The following AUTS2 variants were observed in gnomAD, a reference collection of about 807,000 sequenced individuals.
AUTS2 encodes the protein activator of transcription and developmental regulator AUTS2.
A neutral mutation model predicts 112.4 loss-of-function variants in AUTS2; 17 were observed. That is an observed-to-expected ratio of 0.15 (90% CI 0.10 to 0.23). AUTS2 has a LOEUF of 0.23. AUTS2 is among the 10% of genes least tolerant of loss of function. The pLI, the probability that AUTS2 is intolerant of heterozygous loss-of-function variation, is 1.00. For synonymous variants in AUTS2, 751 were observed against 702.7 expected (o/e 1.07, Z -1.09); for missense variants, 1,510 against 1,701.6 (o/e 0.89, Z 1.98).
chr7:70,312,340 C>G (rs954242156), intron 4 of AUTS2, among the ~76,000 whole-genome samples: 1 of 151,910 alleles, frequency 6.6e-6, no homozygotes, highest in Admixed American at 6.6e-5. Context: ...AGCCTCCCCC[C>G]AAATAAAAAA....
At chr7:70,317,974 G>A (rs1178981626) in intron 4 of AUTS2, among the ~76,000 whole-genome samples, 1 of 152,106 alleles carries the variant, frequency 6.6e-6, no homozygotes, top group Non-Finnish European at 1.5e-5. Flanking sequence ...AAAATGTAAT[G>A]GTCATGACTT....
At chr7:70,204,500 G>T (rs1810469931) in intron 4 of AUTS2, among the ~76,000 whole-genome samples, 1 of 152,134 alleles carries the variant, frequency 6.6e-6, no homozygotes, top group Admixed American at 6.5e-5. Context: ...GGGGTGGGGA[G>T]AATGGGAGAT....
intron 5 of AUTS2, among the ~76,000 whole-genome samples, chr7:70,534,678 G>A (rs530665057): frequency 4.6e-5 from 7 of 152,140 alleles, no homozygotes; most frequent in South Asian, 2.1e-4. Context: ...CGCCCACCTC[G>A]GCCTCCCAAA....
At chr7:70,465,038 A>G (rs1797118846) in intron 5 of AUTS2, among the ~76,000 whole-genome samples, 1 of 152,120 alleles carries the variant, frequency 6.6e-6, no homozygotes, top group South Asian at 2.1e-4. Context: ...AGGGAGAGAG[A>G]AGAGAAAATC....
chr7:69,781,677 T>A (rs1361771529), intron 1 of AUTS2, among the ~76,000 whole-genome samples: 1 of 152,224 alleles, frequency 6.6e-6, no homozygotes, highest in African/African-American at 2.4e-5. Flanking sequence ...TTCTCCACAT[T>A]ACTTGTAATC....
intron 5 of AUTS2, among the ~76,000 whole-genome samples, chr7:70,514,004 T>C (rs1404525214): frequency 2.0e-5 from 3 of 152,216 alleles, no homozygotes; most frequent in Non-Finnish European, 2.9e-5. Flanking sequence ...GAGCACTGTA[T>C]AGATTTGTTT....
intron 1 of AUTS2, among the ~76,000 whole-genome samples, chr7:69,738,248 C>G (rs1787119252): frequency 6.6e-6 from 1 of 151,872 alleles, no homozygotes; most frequent in Non-Finnish European, 1.5e-5. Context: ...TTCCTTCTCT[C>G]CTTTTTCATC....
chr7:70,419,651 TATGAAGGCTCTTG>T (rs1795132613), intron 4 of AUTS2, among the ~76,000 whole-genome samples: 4 of 152,172 alleles, frequency 2.6e-5, no homozygotes, highest in Admixed American at 2.6e-4. Flanking sequence ...GTATGGAAAA[TATGAAGGCTCTTG>T]ATGCATGCTT....
At chr7:69,821,205 A>G (rs912400248) in intron 1 of AUTS2, among the ~76,000 whole-genome samples, 2 of 152,150 alleles carry the variant, frequency 1.3e-5, no homozygotes, top group Non-Finnish European at 2.9e-5. Context: ...GATCCAGAGG[A>G]GTAGAGATAT....
At chr7:70,269,328 A>G (rs1010413374) in intron 4 of AUTS2, among the ~76,000 whole-genome samples, 1 of 152,062 alleles carries the variant, frequency 6.6e-6, no homozygotes, top group Non-Finnish European at 1.5e-5. Context: ...TCTCTTTGTC[A>G]TGCAGGTTTC....
intron 4 of AUTS2, among the ~76,000 whole-genome samples, chr7:70,406,319 T>C (rs570280786): frequency 7.9e-5 from 12 of 152,290 alleles, no homozygotes; most frequent in African/African-American, 2.2e-4. Flanking sequence ...AGATATTAAC[T>C]TCTGTGCTGA....
chr7:69,770,803 C>T (rs914566708), intron 1 of AUTS2, among the ~76,000 whole-genome samples: 2 of 151,836 alleles, frequency 1.3e-5, no homozygotes, highest in Non-Finnish European at 2.9e-5. Flanking sequence ...GCTTTTTTTC[C>T]CCCCTCACCT....
Position 70,790,732 on chromosome 7 carries a change from C to T in AUTS2, c.3516C>T (p.Pro1172=), listed in dbSNP as rs143232502. Reference sequence around the variant, plus strand: ...ACACGCGGCTCCACTCCGTGCACCCCGCCTCCCTCGACGGACACCTCCCCC... The same window carrying T: ...ACACGCGGCTCCACTCCGTGCACCCTGCCTCCCTCGACGGACACCTCCCCC... ...YEHTRLHSVH[P]ASLDGHLPHP... Residue 1172 remains proline (P), a synonymous_variant, in exon 19 of 19, where the codon CCC becomes CCT. Coordinates refer to ENST00000342771, the MANE Select transcript of AUTS2 (RefSeq NM_015570.4). The surrounding 1 kb of genome is among the most constrained non-coding windows in gnomAD (Gnocchi z 7.6). 4 of 1,613,610 alleles carry T rather than the reference C, an allele frequency of 2.5e-6. No homozygotes were observed. Among genetic ancestry groups the T allele is most frequent in the Non-Finnish European group, 3.4e-6 (4 of 1,179,954 alleles).
intron 4 of AUTS2, among the ~76,000 whole-genome samples, chr7:70,227,129 G>A (rs570937967): frequency 4.2e-4 from 64 of 152,072 alleles, no homozygotes; most frequent in Non-Finnish European, 7.4e-4. Flanking sequence ...CTGAAGACCC[G>A]GGTAATACAT....
chr7:70,612,455 G>C (rs1421769727), intron 5 of AUTS2, among the ~76,000 whole-genome samples: 1 of 151,850 alleles, frequency 6.6e-6, no homozygotes, highest in African/African-American at 2.4e-5. Context: ...ATGCAGATCA[G>C]CTCTCCTAAA....
At chr7:70,450,103 G>C (rs1163545888) in intron 5 of AUTS2, among the ~76,000 whole-genome samples, 1 of 152,184 alleles carries the variant, frequency 6.6e-6, no homozygotes, top group Non-Finnish European at 1.5e-5. Flanking sequence ...CCTAAGACTA[G>C]AAAATAGTAA....
intron 3 of AUTS2, among the ~76,000 whole-genome samples, chr7:70,126,108 T>C (rs1805957263): frequency 6.6e-6 from 1 of 152,172 alleles, no homozygotes. Flanking sequence ...ATTTGACTCA[T>C]GCGTAAAGCT....
At chr7:70,084,594 C>G (rs1803493769) in intron 2 of AUTS2, among the ~76,000 whole-genome samples, 1 of 152,164 alleles carries the variant, frequency 6.6e-6, no homozygotes. Context: ...ATAGTGCTAT[C>G]TCATTGTGGT....
chr7:69,639,216 A>C lies in AUTS2; in HGVS notation c.309+39254A>C, dbSNP rs1339582176. On this transcript the variant is annotated intron_variant, in intron 1 of 18. Transcript: ENST00000342771. ...ATCTCTTTATTGTATGTTAAATGAT[A>C]GCGAAGTATAATAAAATGCACCTAG... Among the ~76,000 whole-genome samples, 4 of 152,364 alleles carry C rather than the reference A, an allele frequency of 2.6e-5. No homozygotes were observed. The East Asian group carries it at 7.7e-4, about 29-fold the overall frequency.
Sources: allele counts gnomAD v4.1 joint callset (sites outside exome capture counted in the v4.1 genomes callset), GRCh38; gene constraint gnomAD v4.1.1; non-coding constraint Gnocchi (gnomAD v3.1); transcripts MANE v1.5; gene names NCBI Gene and HGNC (gene_info 2026-07-23, HGNC 2026-07-21).